EIF2AK3: variants seen among roughly 807,000 people sequenced by gnomAD.
The protein encoded by EIF2AK3 is eukaryotic translation initiation factor 2-alpha kinase 3.
In EIF2AK3, 50 loss-of-function variants were observed where a neutral mutation model predicts 113.5. That is an observed-to-expected ratio of 0.44 (90% confidence interval 0.35 to 0.56). The LOEUF (loss-of-function observed/expected upper bound fraction) is 0.56, where lower values mean the gene tolerates loss of function less well. EIF2AK3 is among the 20% of genes least tolerant of loss of function. The pLI is 0.00. For missense variants in EIF2AK3, 1,185 were observed against 1,378.0 expected, an observed-to-expected ratio of 0.86 and a Z score of 2.22; for synonymous variants, 448 against 495.4, an observed-to-expected ratio of 0.90 and a Z score of 1.27.
At chr2:88,580,754 C>A (rs1314286636) in intron 10 of EIF2AK3, among the ~76,000 whole-genome samples, 9 of 152,178 alleles carry the variant, frequency 5.9e-5, no homozygotes, top group African/African-American at 2.2e-4. Context: ...TTATGACTTA[C>A]ATACTCATTT....
At chr2:88,601,608 A>G (rs546360818) in intron 2 of EIF2AK3, among the ~76,000 whole-genome samples, 36 of 152,278 alleles carry the variant, frequency 2.4e-4, no homozygotes, top group African/African-American at 8.7e-4. Context: ...GCTGGCCCCT[A>G]TGCTATACCA....
intron 10 of EIF2AK3, among the ~76,000 whole-genome samples, chr2:88,581,213 TAAAAA>T (rs201636966): frequency 9.9e-5 from 13 of 131,146 alleles, no homozygotes; most frequent in South Asian, 2.4e-4. Flanking sequence ...ACTCCCATAT[TAAAAA>T]AAAAAAAAAA....
intron 2 of EIF2AK3, among the ~76,000 whole-genome samples, chr2:88,602,064 G>T (rs575919393): frequency 1.3e-4 from 20 of 151,708 alleles, no homozygotes; most frequent in Non-Finnish European, 2.4e-4. Flanking sequence ...TGTTAGCCAG[G>T]GTGGTCTCAG....
upstream of EIF2AK3, chr2:88,627,982 A>G (rs1675921739): frequency 6.6e-6 from 1 of 152,344 alleles, no homozygotes; most frequent in African/African-American, 2.4e-5. Context: ...GCTCTTCTAA[A>G]GCCTAGTCTA....
At chr2:88,614,092 C>CT (rs1675518063) in intron 1 of EIF2AK3, among the ~76,000 whole-genome samples, 1 of 152,108 alleles carries the variant, frequency 6.6e-6, no homozygotes, top group African/African-American at 2.4e-5. Flanking sequence ...ATTCCACACT[C>CT]TAATTCCCAT....
chr2:88,595,842 T>G lies in EIF2AK3; in HGVS notation c.439-179A>C, dbSNP rs1675007761. 2.0e-5 allele frequency: 14 copies of G among 699,028 alleles called. No homozygotes were observed. In the East Asian group the frequency reaches 3.8e-4, roughly 19 times the overall value. The allele number at this position is 699,028 out of a possible 1,614,324, so 43.3% of individuals were successfully genotyped here. A position where few individuals can be genotyped will look rare whatever the true frequency, so the allele number is the denominator to read the frequency against. ...GTAGCACATGAAGCAGTGCAGTCCATCAACCAAAAGTAATTTAAAAGAACT... is the reference window on the plus strand; with the variant it reads ...GTAGCACATGAAGCAGTGCAGTCCAGCAACCAAAAGTAATTTAAAAGAACT... On this transcript the variant is annotated intron_variant, in intron 2 of 16. Coordinates refer to ENST00000303236, the MANE Select transcript of EIF2AK3 (RefSeq NM_004836.7).
intron 1 of EIF2AK3, 72 bp downstream of exon 1, chr2:88,626,894 GC>G: frequency 3.2e-6 from 5 of 1,557,614 alleles, no homozygotes; most frequent in South Asian, 2.3e-5. Flanking sequence ...CCGGATCTCC[GC>G]CCCCCTACAC....
chr2:88,566,835 C>G (rs1210137328), intron 14 of EIF2AK3, among the ~76,000 whole-genome samples: 1 of 152,122 alleles, frequency 6.6e-6, no homozygotes, highest in East Asian at 1.9e-4. Flanking sequence ...GTAATCCCAG[C>G]TACTTGGAAG....
At chr2:88,606,633 G>A (rs561959681) in intron 2 of EIF2AK3, among the ~76,000 whole-genome samples, 1 of 152,328 alleles carries the variant, frequency 6.6e-6, no homozygotes, top group East Asian at 1.9e-4. Flanking sequence ...GTAAAAGTAA[G>A]AGAAGCTTTA....
At chr2:88,612,270 A>G (rs1234817640) in intron 2 of EIF2AK3, among the ~76,000 whole-genome samples, 1 of 152,152 alleles carries the variant, frequency 6.6e-6, no homozygotes, top group African/African-American at 2.4e-5. Flanking sequence ...CTACTACAAC[A>G]CACTGTGATA....
chr2:88,582,516 T>C (rs181255339), intron 10 of EIF2AK3, among the ~76,000 whole-genome samples: 18 of 152,312 alleles, frequency 1.2e-4, no homozygotes, highest in Admixed American at 9.8e-4. Flanking sequence ...AAGGTACTTA[T>C]AACTACCAGC....
In EIF2AK3 at chr2:88,590,975, G is replaced by A. The variant is rs765112357; in HGVS notation, c.845C>T (p.Thr282Ile). 2.7e-5 allele frequency: 43 copies of A among 1,614,086 alleles called. 1 individual carries two copies. The Middle Eastern group carries it at 1.2e-3, about 43-fold the overall frequency. ...TTCTGTGTTCTCATTGGGCTTAAAG[G>A]TGCTTTCAATAAATCCGGCTCTCGT... is the stretch of plus-strand genomic sequence containing the variant. ...METRAGFIES[T>I]FKPNENTEES... Residue 282 changes from threonine (T) to isoleucine (I), a missense_variant, in exon 5 of 17, where the codon ACC (threonine) becomes ATC (isoleucine). Physicochemically the swap from Thr to Ile is moderately conservative, Grantham distance 89. Coordinates refer to ENST00000303236, the MANE Select transcript of EIF2AK3 (RefSeq NM_004836.7).
intron 2 of EIF2AK3, among the ~76,000 whole-genome samples, chr2:88,610,500 T>C (rs1675428359): frequency 6.6e-6 from 1 of 152,208 alleles, no homozygotes. Flanking sequence ...AGAATATTCC[T>C]CCCTTTTCCA....
chr2:88,590,410 T>C (rs1191839442), intron 6 of EIF2AK3, 33 bp downstream of exon 6: 4 of 1,610,396 alleles, frequency 2.5e-6, no homozygotes, highest in Non-Finnish European at 3.4e-6. Flanking sequence ...GATGTCAATG[T>C]GTACTATCGT....
At chr2:88,582,670 C>A (rs901763113) in intron 10 of EIF2AK3, among the ~76,000 whole-genome samples, 2 of 151,960 alleles carry the variant, frequency 1.3e-5, no homozygotes, top group Non-Finnish European at 2.9e-5. Flanking sequence ...TATATATGCA[C>A]ATCTTGTCAT....
In EIF2AK3 at chr2:88,576,622, A is replaced by G; in HGVS notation, c.1968T>C (p.Asn656=). 6.2e-7 allele frequency: 1 copy of G among 1,614,192 alleles called. No homozygotes were observed. The highest frequency in any genetic ancestry group is 8.5e-7 in the Non-Finnish European group (1 of 1,180,024). The change falls in exon 12 of 17, where the codon AAT becomes AAC. Residue 656 remains asparagine (N), a synonymous_variant. Transcript: ENST00000303236. ...LEHPGIVRYF[N]AWLEAPPEKW... is the part of the protein sequence containing the mutation. Reference sequence around the variant, plus strand: ...TCTCTGGTGGTGCTTCGAGCCAGGCATTGAAATATCTAACAATGCCCGGGT... The same window carrying G: ...TCTCTGGTGGTGCTTCGAGCCAGGCGTTGAAATATCTAACAATGCCCGGGT...
chr2:88,627,211 C>CCAGCAGCAGCAG lies in EIF2AK3; in HGVS notation c.52_63dup (p.Leu18_Leu21dup). 1.4e-6 allele frequency: 2 copies of CCAGCAGCAGCAG among 1,429,768 alleles called. No homozygotes were observed. Among genetic ancestry groups the CCAGCAGCAGCAG allele is most frequent in the South Asian group, 1.3e-5 (1 of 75,344 alleles). The allele number at this position is 1,429,768 out of a possible 1,614,324, so 88.6% of individuals were successfully genotyped here. ...GCGGCCACCGTCCTTGCCGCGAGCC[C>CCAGCAGCAGCAG]CAGCAGCAGCAGCAGCAGCAGCAGC... On this transcript the variant is annotated inframe_insertion, in exon 1 of 17. Transcript: ENST00000303236.
At chr2:88,591,196 T>C in intron 4 of EIF2AK3, 144 bp from the exon 5 acceptor site, 1 of 772,036 alleles carries the variant, frequency 1.3e-6, no homozygotes. Context: ...AAGAGTGCTC[T>C]ACTGATTTAT....
chr2:88,602,126 C>T (rs371770322), intron 2 of EIF2AK3, among the ~76,000 whole-genome samples: 139 of 152,270 alleles, frequency 9.1e-4, no homozygotes, highest in African/African-American at 3.2e-3. Flanking sequence ...GCTGGGATTA[C>T]AGGCGTGAGC....
Sources: gnomAD v4.1 joint callset for allele counts (sites outside exome capture counted in the v4.1 genomes callset) on GRCh38, gnomAD v4.1.1 for gene constraint, MANE v1.5 for transcripts, NCBI Gene and HGNC (gene_info 2026-07-23, HGNC 2026-07-21) for gene names.